Variants in LINGO2 observed in about 807,000 individuals in gnomAD.
LINGO2 encodes leucine rich repeat and Ig domain containing 2, also known as leucine-rich repeat and immunoglobulin-like domain-containing nogo receptor-interacting protein 2.
A neutral mutation model predicts 30.6 loss-of-function variants in LINGO2; 14 were observed. The observed-to-expected ratio is 0.46, with a 90% confidence interval of 0.30 to 0.72. The LOEUF (loss-of-function observed/expected upper bound fraction) is 0.72, where lower values mean the gene tolerates loss of function less well. LINGO2 is among the 30% of genes least tolerant of loss of function. The probability of loss-of-function intolerance (pLI) is 0.07; values close to 1 mark genes in which losing one functional copy is unlikely to be tolerated. For missense variants in LINGO2, 729 were observed against 751.7 expected (o/e 0.97, Z 0.35); for synonymous variants, 317 against 288.5 (o/e 1.10, Z -1.00).
At chr9:28,021,095 T>C (rs1177639171) in intron 4 of LINGO2, among the ~76,000 whole-genome samples, 1 of 152,124 alleles carries the variant, frequency 6.6e-6, no homozygotes, top group Non-Finnish European at 1.5e-5. Context: ...CTTAACTTGC[T>C]CTTTTTTAAT....
At chr9:27,940,136 A>T in the LINGO2 span, 1 of 151,936 alleles carries the variant, frequency 6.6e-6, no homozygotes, top group African/African-American at 2.4e-5. Flanking sequence ...ATCTTTTTTT[A>T]TTTTTTAAAT....
chr9:28,548,956 TAAAAC>T (rs1432402818), intron 1 of LINGO2, among the ~76,000 whole-genome samples: 2 of 151,994 alleles, frequency 1.3e-5, no homozygotes, highest in African/African-American at 2.4e-5. Flanking sequence ...CAGAATATAA[TAAAAC>T]AAATGTCTGC....
the LINGO2 span, among the ~76,000 whole-genome samples, chr9:28,931,839 G>A: frequency 2.0e-5 from 3 of 151,912 alleles, no homozygotes; most frequent in Admixed American, 6.6e-5. Flanking sequence ...GCTGGGTGCG[G>A]TGGCTCATGC....
At chr9:28,737,998 T>C in the LINGO2 span, among the ~76,000 whole-genome samples, 1 of 152,140 alleles carries the variant, frequency 6.6e-6, no homozygotes, top group Admixed American at 6.5e-5. Flanking sequence ...TGGCATTCCC[T>C]CTCAGCAACT....
intron 4 of LINGO2, among the ~76,000 whole-genome samples, chr9:28,042,761 C>T (rs961842124): frequency 6.6e-6 from 1 of 152,092 alleles, no homozygotes; most frequent in African/African-American, 2.4e-5. Context: ...ATTCTTTATT[C>T]TTCCCCTCTC....
chr9:27,949,794 A>T (rs1198528780), exon 6 of LINGO2: 2 of 1,614,022 alleles, frequency 1.2e-6, no homozygotes. Flanking sequence ...CAGGTCAGAG[A>T]ACATGCCTGC....
the LINGO2 span, among the ~76,000 whole-genome samples, chr9:29,191,943 G>GATT: frequency 6.6e-6 from 1 of 151,184 alleles, no homozygotes; most frequent in Non-Finnish European, 1.5e-5. Flanking sequence ...TTAAATCCAG[G>GATT]ATTATGTAAG....
chr9:28,657,409 T>C (rs1216602173), intron 1 of LINGO2, among the ~76,000 whole-genome samples: 2 of 152,070 alleles, frequency 1.3e-5, no homozygotes, highest in Admixed American at 6.6e-5. Context: ...GAGAAGGTTT[T>C]GATTACACAT....
chr9:28,036,350 GGA>G (rs1160477352), intron 4 of LINGO2, among the ~76,000 whole-genome samples: 1 of 152,184 alleles, frequency 6.6e-6, no homozygotes. Flanking sequence ...TCATGGGAAA[GGA>G]GAGGTGTCAT....
intron 4 of LINGO2, among the ~76,000 whole-genome samples, chr9:28,195,771 G>T (rs936967240): frequency 6.6e-6 from 1 of 151,174 alleles, no homozygotes; most frequent in East Asian, 1.9e-4. Context: ...TTTATGAAAA[G>T]AATTATACCA....
intron 4 of LINGO2, among the ~76,000 whole-genome samples, chr9:28,078,717 A>G (rs1390165299): frequency 6.8e-6 from 1 of 147,842 alleles, no homozygotes; most frequent in Non-Finnish European, 1.5e-5. Flanking sequence ...GTGGTAGTAC[A>G]TGCCTGTATA....
intron 4 of LINGO2, among the ~76,000 whole-genome samples, chr9:28,105,439 T>C (rs1826558443): frequency 6.6e-6 from 1 of 152,168 alleles, no homozygotes; most frequent in Non-Finnish European, 1.5e-5. Flanking sequence ...TAAATCATGA[T>C]AGTGAAAACT....
chr9:28,020,612 G>A (rs1823069967), intron 4 of LINGO2, among the ~76,000 whole-genome samples: 1 of 152,172 alleles, frequency 6.6e-6, no homozygotes, highest in African/African-American at 2.4e-5. Flanking sequence ...CTATTTTTGA[G>A]GAGACTGTGG....
chr9:28,358,557 T>C (rs1820320199), intron 3 of LINGO2, among the ~76,000 whole-genome samples: 1 of 152,092 alleles, frequency 6.6e-6, no homozygotes, highest in Non-Finnish European at 1.5e-5. Context: ...AGATACACCT[T>C]AGTTTTCACC....
chr9:28,336,791 C>CCA (rs1554707372), intron 3 of LINGO2, among the ~76,000 whole-genome samples: 2 of 139,488 alleles, frequency 1.4e-5, no homozygotes, highest in African/African-American at 3.1e-5. Context: ...CAAATTGTGG[C>CCA]AAAAAAAAAC....
chr9:27,983,905 A>C (rs1366703539), intron 5 of LINGO2, among the ~76,000 whole-genome samples: 1 of 151,864 alleles, frequency 6.6e-6, no homozygotes, highest in Non-Finnish European at 1.5e-5. Flanking sequence ...GGTCTACATC[A>C]GAGTCTTCCT....
intron 1 of LINGO2, among the ~76,000 whole-genome samples, chr9:28,639,100 G>A (rs1447712924): frequency 6.6e-6 from 1 of 152,118 alleles, no homozygotes; most frequent in Non-Finnish European, 1.5e-5. Context: ...TCAGGAGCAG[G>A]TTGTTCAGTT....
At chr9:28,588,325 G>C (rs10968664) in intron 1 of LINGO2, among the ~76,000 whole-genome samples, 1,601 of 152,014 alleles carry the variant, frequency 0.011, 26 homozygotes, top group African/African-American at 0.036. Context: ...TCAAGGCTTT[G>C]TCCTCAGCCA....
the LINGO2 span, among the ~76,000 whole-genome samples, chr9:28,850,566 T>C: frequency 6.6e-6 from 1 of 152,040 alleles, no homozygotes; most frequent in African/African-American, 2.4e-5. Flanking sequence ...GAAAGTAATT[T>C]CTAGAATAAA....
Sources: gnomAD v4.1 joint callset for allele counts (sites outside exome capture counted in the v4.1 genomes callset) on GRCh38, gnomAD v4.1.1 for gene constraint, MANE v1.5 for transcripts, NCBI Gene and HGNC (gene_info 2026-07-23, HGNC 2026-07-21) for gene names.